The following ST6GALNAC5 variants were observed in gnomAD, a reference collection of about 807,000 sequenced individuals.
ST6GALNAC5 encodes ST6 N-acetylgalactosaminide alpha-2,6-sialyltransferase 5.
A neutral mutation model predicts 33.6 loss-of-function variants in ST6GALNAC5; 27 were observed. The observed-to-expected ratio is 0.80, with a 90% CI of 0.59 to 1.11. ST6GALNAC5 has a LOEUF of 1.11. Ranked by LOEUF, ST6GALNAC5 falls within the 50% of genes least tolerant of loss-of-function variation. The pLI, the probability that ST6GALNAC5 is intolerant of heterozygous loss-of-function variation, is 0.00. For missense variants in ST6GALNAC5, 428 were observed against 454.0 expected (o/e 0.94, Z 0.52); for synonymous variants, 194 against 171.2 (o/e 1.13, Z -1.04).
intron 2 of ST6GALNAC5, among the ~76,000 whole-genome samples, chr1:76,915,833 T>G (rs1322145815): frequency 1.4e-5 from 2 of 144,570 alleles, no homozygotes; most frequent in African/African-American, 5.1e-5. Flanking sequence ...CCCAAAAACT[T>G]AAAGTACAAT....
intron 2 of ST6GALNAC5, among the ~76,000 whole-genome samples, chr1:77,041,330 TG>T (rs1651824044): frequency 1.3e-5 from 2 of 152,226 alleles, no homozygotes; most frequent in Admixed American, 6.5e-5. Context: ...ATGGTTTGTC[TG>T]GGGGCACCCT....
chr1:76,973,089 A>T (rs764975991), intron 2 of ST6GALNAC5, among the ~76,000 whole-genome samples: 1 of 151,936 alleles, frequency 6.6e-6, no homozygotes, highest in South Asian at 2.1e-4. Flanking sequence ...GAATTTTTTG[A>T]TGGGTAGGGT....
At chr1:76,930,080 T>C (rs1647124955) in intron 2 of ST6GALNAC5, among the ~76,000 whole-genome samples, 1 of 152,172 alleles carries the variant, frequency 6.6e-6, no homozygotes, top group Non-Finnish European at 1.5e-5. Context: ...AAAGTCCAAG[T>C]ATAGAGTGAG....
intron 2 of ST6GALNAC5, among the ~76,000 whole-genome samples, chr1:76,888,714 A>G (rs1055536835): frequency 1.3e-5 from 2 of 151,736 alleles, no homozygotes; most frequent in African/African-American, 4.8e-5. Context: ...CTTGATTTCT[A>G]TTCTTTCAAT....
intron 3 of ST6GALNAC5, among the ~76,000 whole-genome samples, chr1:77,046,859 A>C (rs1652030838): frequency 6.6e-6 from 1 of 152,196 alleles, no homozygotes. Flanking sequence ...AGTATAATTA[A>C]ACATTGTTCT....
intron 2 of ST6GALNAC5, among the ~76,000 whole-genome samples, chr1:77,013,613 C>T (rs1343590699): frequency 6.6e-6 from 1 of 152,150 alleles, no homozygotes; most frequent in Non-Finnish European, 1.5e-5. Context: ...AGAAGCCATC[C>T]CTAAATCCTA....
intron 2 of ST6GALNAC5, among the ~76,000 whole-genome samples, chr1:76,949,876 A>G (rs1282201645): frequency 6.6e-6 from 1 of 152,184 alleles, no homozygotes; most frequent in Admixed American, 6.5e-5. Flanking sequence ...CAAAATGGAA[A>G]GAAAGTACCT....
At chr1:76,966,801 G>A (rs1326412863) in intron 2 of ST6GALNAC5, among the ~76,000 whole-genome samples, 4 of 152,186 alleles carry the variant, frequency 2.6e-5, no homozygotes, top group Non-Finnish European at 1.5e-5. Flanking sequence ...AGAGCTTTTA[G>A]CATGAAGGCT....
intron 2 of ST6GALNAC5, among the ~76,000 whole-genome samples, chr1:77,043,218 C>T (rs61782866): frequency 0.082 from 12,546 of 152,320 alleles, 600 homozygotes; most frequent in Middle Eastern, 0.12. Flanking sequence ...ATTTGCTGGC[C>T]TTGGCCTCGG....
At chr1:77,005,796 A>G (rs1451643595) in intron 2 of ST6GALNAC5, among the ~76,000 whole-genome samples, 1 of 152,188 alleles carries the variant, frequency 6.6e-6, no homozygotes, top group Non-Finnish European at 1.5e-5. Context: ...ACATGAAATC[A>G]TACAGCGTTT....
chr1:76,906,290 A>G (rs1363287459), intron 2 of ST6GALNAC5, among the ~76,000 whole-genome samples: 3 of 152,194 alleles, frequency 2.0e-5, no homozygotes, highest in Admixed American at 2.0e-4. Flanking sequence ...TCCAAGAGCT[A>G]GAATAAAGCC....
chr1:76,979,846 G>A (rs1279110104), intron 2 of ST6GALNAC5, among the ~76,000 whole-genome samples: 1 of 152,128 alleles, frequency 6.6e-6, no homozygotes, highest in African/African-American at 2.4e-5. Context: ...ATAATCAGAG[G>A]CATGATAATC....
At chr1:76,917,392 T>C (rs1646986403) in intron 2 of ST6GALNAC5, among the ~76,000 whole-genome samples, 1 of 152,108 alleles carries the variant, frequency 6.6e-6, no homozygotes, top group African/African-American at 2.4e-5. Flanking sequence ...TTGTCAACAG[T>C]GTCAAAATGT....
At chr1:77,028,555 A>G (rs1651335017) in intron 2 of ST6GALNAC5, among the ~76,000 whole-genome samples, 1 of 152,224 alleles carries the variant, frequency 6.6e-6, no homozygotes, top group South Asian at 2.1e-4. Flanking sequence ...TATATTTAAA[A>G]CACTTTGTGG....
chr1:76,983,895 C>T (rs1649367051), intron 2 of ST6GALNAC5, among the ~76,000 whole-genome samples: 2 of 152,196 alleles, frequency 1.3e-5, no homozygotes, highest in African/African-American at 4.8e-5. Flanking sequence ...ACTGAACAAC[C>T]TGCTCCTGAA....
intron 2 of ST6GALNAC5, among the ~76,000 whole-genome samples, chr1:76,913,972 A>C (rs145920171): frequency 0.036 from 5,535 of 152,176 alleles, 349 homozygotes; most frequent in African/African-American, 0.13. Context: ...ATCTCCTTAA[A>C]CTGATAAGCA....
rs1196305173 is a variant in ST6GALNAC5 at position 77,065,075 on chromosome 1, A to G, written c.*1869A>G. On this transcript the variant is annotated 3_prime_UTR_variant, in exon 5 of 5. Transcript: ENST00000477717. Reference sequence around the variant, plus strand: ...TTTTCTCATAGTTTTTAAAGGGACTATGAATTTTATTCCAACACATTGTCT... The same window carrying G: ...TTTTCTCATAGTTTTTAAAGGGACTGTGAATTTTATTCCAACACATTGTCT... 6.6e-6 allele frequency: 1 copy of G among 152,244 alleles called. No homozygotes were observed. The highest frequency in any genetic ancestry group is 2.4e-5 in the African/African-American group (1 of 41,466). The allele number at this position is 152,244 out of a possible 1,614,324, so 9.4% of individuals were successfully genotyped here.
intron 2 of ST6GALNAC5, among the ~76,000 whole-genome samples, chr1:76,913,651 C>T (rs550736642): frequency 2.0e-5 from 3 of 152,172 alleles, no homozygotes; most frequent in South Asian, 2.1e-4. Flanking sequence ...CTTCCCTTCT[C>T]GCTTCATTTC....
intron 2 of ST6GALNAC5, among the ~76,000 whole-genome samples, chr1:76,963,896 AG>A (rs1486367859): frequency 1.3e-5 from 2 of 152,184 alleles, no homozygotes; most frequent in Non-Finnish European, 2.9e-5. Context: ...AATCCATAAA[AG>A]GGGAGAACCT....
Sources: allele counts gnomAD v4.1 joint callset (sites outside exome capture counted in the v4.1 genomes callset), GRCh38; gene constraint gnomAD v4.1.1; transcripts MANE v1.5; gene names NCBI Gene and HGNC (gene_info 2026-07-23, HGNC 2026-07-21).